Variants in ELF2 observed in about 807,000 individuals in gnomAD.
ELF2 encodes E74 like ETS transcription factor 2, also known as ETS-related transcription factor Elf-2.
Under a neutral mutation model 54.8 loss-of-function variants are expected in ELF2, and 11 were observed. That is an observed-to-expected ratio of 0.20 (90% confidence interval 0.13 to 0.33). ELF2 has a LOEUF of 0.33. Ranked by LOEUF, ELF2 falls within the 10% of genes least tolerant of loss-of-function variation. The pLI is 1.00. For missense variants in ELF2, 513 were observed against 703.0 expected, an observed-to-expected ratio of 0.73 and a Z score of 3.06; for synonymous variants, 203 against 245.1, an observed-to-expected ratio of 0.83 and a Z score of 1.61.
rs1169630328 is a variant in ELF2 at position 139,064,142 on chromosome 4, C to T, written c.614-2085G>A. Among the ~76,000 whole-genome samples, 5 of 152,172 alleles carry T rather than the reference C, an allele frequency of 3.3e-5. No individual in the cohort carries two copies. In the South Asian group the frequency reaches 1.0e-3, roughly 32 times the overall value. ...TGGCCAACATGGTAAAACCCTATCT[C>T]TACAAAAATACAAAAATTAGCCAGG... On this transcript the variant is annotated intron_variant, in intron 7 of 9. Coordinates refer to ENST00000686138, the MANE Select transcript of ELF2 (RefSeq NM_001331036.3).
At chr4:139,150,262 G>A (rs1015228401) in intron 1 of ELF2, among the ~76,000 whole-genome samples, 1 of 151,942 alleles carries the variant, frequency 6.6e-6, no homozygotes, top group Non-Finnish European at 1.5e-5. Context: ...AGCTACTCAG[G>A]AGGCTGAGGC....
At chr4:139,083,491 C>T (rs1339779512) in intron 4 of ELF2, among the ~76,000 whole-genome samples, 1 of 152,180 alleles carries the variant, frequency 6.6e-6, no homozygotes, top group African/African-American at 2.4e-5. Flanking sequence ...GTGACCCTGT[C>T]CAGGACCGTT....
Position 139,078,176 on chromosome 4 carries a change from A to G in ELF2, c.239-4609T>C, listed in dbSNP as rs147725558. ...TTGGTAATTAAGTCTGACAAGAGGC[A>G]TACCTCTCAGCTTTGCATAAAAGAA... On this transcript the variant is annotated intron_variant, in intron 4 of 9. Transcript: ENST00000686138. Among the ~76,000 whole-genome samples the G allele has an allele frequency of 6.1e-3, 924 of 152,342 alleles. 11 individuals are homozygous for G. The highest frequency in any genetic ancestry group is 0.021 in the African/African-American group (889 of 41,580).
intron 1 of ELF2, among the ~76,000 whole-genome samples, chr4:139,176,105 C>G (rs1386409120): frequency 6.6e-6 from 1 of 152,212 alleles, no homozygotes; most frequent in East Asian, 1.9e-4. Flanking sequence ...TTCCGCGCCC[C>G]TAGACCATCC....
rs79837347 is a variant in ELF2 at position 139,151,023 on chromosome 4, CAAAA to C, written c.-251-11530_-251-11527del. Among the ~76,000 whole-genome samples, 414 of 48,316 alleles carry C rather than the reference CAAAA, an allele frequency of 8.6e-3. 19 individuals are homozygous for C. Among genetic ancestry groups the C allele is most frequent in the Middle Eastern group, 0.041 (3 of 74 alleles). 31.7% of individuals were successfully genotyped at this position (48,316 alleles called of 152,430 possible). ...TAGGTGACGGAACGAGGCTCCATCT[CAAAA>C]AAAAAAAAGAAAGAAAGAAAGAAAG... On this transcript the variant is annotated intron_variant, in intron 1 of 9. Transcript: ENST00000686138.
At chr4:139,115,159 T>C (rs1735515618) in intron 4 of ELF2, 3 of 1,612,996 alleles carry the variant, frequency 1.9e-6, no homozygotes, top group South Asian at 2.2e-5. Flanking sequence ...GATCCACTCC[T>C]CTAGGTTGAG....
intron 4 of ELF2, among the ~76,000 whole-genome samples, chr4:139,094,088 C>T (rs1202584239): frequency 1.3e-5 from 2 of 151,932 alleles, no homozygotes; most frequent in Non-Finnish European, 2.9e-5. Context: ...TTAGTAGAGA[C>T]GGGGTTTCTC....
chr4:139,083,910 G>A (rs1731559881), intron 4 of ELF2, among the ~76,000 whole-genome samples: 1 of 152,224 alleles, frequency 6.6e-6, no homozygotes, highest in Non-Finnish European at 1.5e-5. Flanking sequence ...CCACCCTGAA[G>A]CGACAGCGCC....
chr4:139,125,056 A>G (rs2148835520), intron 4 of ELF2, 108 bp downstream of exon 4: 1 of 1,337,810 alleles, frequency 7.5e-7, no homozygotes, highest in Middle Eastern at 2.3e-4. Flanking sequence ...AAGCTATACT[A>G]AATAGCATTA....
At chr4:139,126,583 A>C (rs1431390995) in intron 3 of ELF2, among the ~76,000 whole-genome samples, 2 of 152,190 alleles carry the variant, frequency 1.3e-5, no homozygotes. Context: ...CTAGAAAGAA[A>C]ACACAGGTTA....
chr4:139,088,929 T>C (rs908356378), intron 4 of ELF2, among the ~76,000 whole-genome samples: 7 of 152,078 alleles, frequency 4.6e-5, no homozygotes, highest in Admixed American at 6.5e-5. Context: ...CAGCTAATCT[T>C]GTAGATTTAG....
intron 1 of ELF2, among the ~76,000 whole-genome samples, chr4:139,169,150 C>A (rs116172242): frequency 6.6e-6 from 1 of 151,880 alleles, no homozygotes; most frequent in Non-Finnish European, 1.5e-5. Context: ...GAGTTTAAGA[C>A]CAACCTGGCC....
intron 4 of ELF2, among the ~76,000 whole-genome samples, chr4:139,109,738 TCA>T (rs1288705298): frequency 6.6e-6 from 1 of 152,096 alleles, no homozygotes; most frequent in Non-Finnish European, 1.5e-5. Context: ...AACCCAAATA[TCA>T]CACTTACAAG....
At chr4:139,106,425 G>A (rs1734412979) in intron 4 of ELF2, among the ~76,000 whole-genome samples, 1 of 152,164 alleles carries the variant, frequency 6.6e-6, no homozygotes, top group East Asian at 1.9e-4. Flanking sequence ...ATACATGGGT[G>A]AGACCTGGGA....
chr4:139,100,151 T>C (rs1213818307), intron 4 of ELF2, among the ~76,000 whole-genome samples: 1 of 152,260 alleles, frequency 6.6e-6, no homozygotes, highest in East Asian at 1.9e-4. Flanking sequence ...CTTAAATAGC[T>C]ATCTAGCCTT....
At chr4:139,077,304 G>A (rs1228628563) in intron 4 of ELF2, among the ~76,000 whole-genome samples, 1 of 152,100 alleles carries the variant, frequency 6.6e-6, no homozygotes, top group African/African-American at 2.4e-5. Flanking sequence ...TCAGATTTTA[G>A]AACACTCAAT....
In ELF2 at chr4:139,057,725, T is replaced by C. The variant is rs145211818; in HGVS notation, c.*1258A>G. 4.1e-4 allele frequency: 62 copies of C among 152,374 alleles called. 3 individuals are homozygous for C. The highest frequency in any genetic ancestry group is 1.4e-3 in the African/African-American group (60 of 41,562). 9.4% of individuals were successfully genotyped at this position (152,374 alleles called of 1,614,324 possible). A position where few individuals can be genotyped will look rare whatever the true frequency, so the allele number is the denominator to read the frequency against. ...CAACATGCAGATATTTGCCAAATAT[T>C]AATATAATGGAAGTAGAATTTCTTC... On this transcript the variant is annotated 3_prime_UTR_variant, in exon 10 of 10. Coordinates refer to ENST00000686138, the MANE Select transcript of ELF2 (RefSeq NM_001331036.3).
rs765998998 is a variant in ELF2 at position 139,061,907 on chromosome 4, T to C, written c.764A>G (p.Asn255Ser). ...AVSKLWGKHK[N>S]KPDMNYETMG... ...GGTTTCATAGTTCATGTCTGGTTTG[T>C]TCTTATGCTTTCCCCAAAGCTTAGA... is the stretch of plus-strand genomic sequence containing the variant. Residue 255 changes from asparagine (N) to serine (S), a missense_variant, in exon 8 of 10, where the codon AAC becomes AGC. By Grantham distance (46) the Asn-to-Ser change is conservative. This residue lies in a region of ELF2 where 19 missense variants were observed against 91.0 expected (regional missense o/e 0.21). Transcript: ENST00000686138. The C allele has an allele frequency of 6.2e-7, 1 of 1,613,904 alleles. No individual in the cohort carries two copies.
At chr4:139,086,346 T>C (rs1731979807) in intron 4 of ELF2, among the ~76,000 whole-genome samples, 1 of 152,140 alleles carries the variant, frequency 6.6e-6, no homozygotes, top group South Asian at 2.1e-4. Flanking sequence ...CAAGCTGGAA[T>C]CATATAGTTT....
Sources: gnomAD v4.1 joint callset for allele counts (sites outside exome capture counted in the v4.1 genomes callset) on GRCh38, gnomAD v4.1.1 for gene constraint, gnomAD v4.1.1 regional missense constraint, MANE v1.5 for transcripts, NCBI Gene and HGNC (gene_info 2026-07-23, HGNC 2026-07-21) for gene names.